The following ODAD2 variants were observed in gnomAD, a reference collection of about 807,000 sequenced individuals.
ODAD2 encodes outer dynein arm docking complex subunit 2.
In ODAD2, 89 loss-of-function variants were observed where a neutral mutation model predicts 106.8. The ratio of observed to expected loss-of-function variants is 0.83; its 90% CI spans 0.70 to 0.99. ODAD2 has a LOEUF of 0.99. ODAD2 is among the 50% of genes least tolerant of loss of function. ODAD2 has a pLI of 0.00. For synonymous variants in ODAD2, 404 were observed against 436.2 expected (o/e 0.93, Z 0.92); for missense variants, 1,168 against 1,238.5 (o/e 0.94, Z 0.85).
At chr10:27,865,127 C>T (rs1160505448) in intron 17 of ODAD2, among the ~76,000 whole-genome samples, 1 of 152,104 alleles carries the variant, frequency 6.6e-6, no homozygotes. Context: ...TTTCAAGGTG[C>T]ACCCCTGGTT....
chr10:27,911,328 C>T (rs1843998955), intron 16 of ODAD2, among the ~76,000 whole-genome samples: 1 of 152,114 alleles, frequency 6.6e-6, no homozygotes, highest in Admixed American at 6.6e-5. Context: ...TGTGTCCCTG[C>T]TCTGCACGTG....
chr10:27,984,438 T>A, intron 4 of ODAD2, 148 bp from the exon 5 acceptor site: 1 of 600,130 alleles, frequency 1.7e-6, no homozygotes, highest in Non-Finnish European at 2.9e-6. Flanking sequence ...ATAACAGCAC[T>A]GTCAACACAT....
At chr10:27,983,190 C>T (rs574166069) in intron 6 of ODAD2, among the ~76,000 whole-genome samples, 83 of 152,336 alleles carry the variant, frequency 5.4e-4, no homozygotes, top group Non-Finnish European at 1.1e-3. Context: ...TCACCTCACC[C>T]CCTGGGAAAT....
Position 27,906,403 on chromosome 10 carries a change from A to C in ODAD2, c.2610+1260T>G, listed in dbSNP as rs150657172. Among the ~76,000 whole-genome samples the C allele has an allele frequency of 8.7e-3, 1,319 of 152,286 alleles. 18 individuals carry two copies. Among genetic ancestry groups the C allele is most frequent in the African/African-American group, 0.03 (1,245 of 41,560 alleles). On this transcript the variant is annotated intron_variant, in intron 17 of 19. Transcript: ENST00000305242. The stretch of plus-strand genomic sequence containing the variant: ...TGTGGAGAAATAGGAATGCTTTTAC[A>C]CTGTTGGTGGGAGTGTAAATTAGTT...
chr10:27,812,966 C>G (rs1201671603), intron 19 of ODAD2, among the ~76,000 whole-genome samples: 2 of 152,294 alleles, frequency 1.3e-5, no homozygotes, highest in African/African-American at 4.8e-5. Context: ...CATGCTTAGA[C>G]TAGTAGGGCA....
intron 19 of ODAD2, among the ~76,000 whole-genome samples, chr10:27,834,994 G>T (rs1837754144): frequency 6.6e-6 from 1 of 152,176 alleles, no homozygotes; most frequent in African/African-American, 2.4e-5. Flanking sequence ...GTTTTCACAA[G>T]GTCACCCAGG....
At chr10:27,881,554 T>C (rs1780610491) in intron 17 of ODAD2, among the ~76,000 whole-genome samples, 1 of 151,984 alleles carries the variant, frequency 6.6e-6, no homozygotes, top group African/African-American at 2.4e-5. Context: ...AGAGGATCAC[T>C]TGAGCCCAGG....
At chr10:27,939,623 G>A (rs1003086975) in intron 14 of ODAD2, among the ~76,000 whole-genome samples, 1 of 151,884 alleles carries the variant, frequency 6.6e-6, no homozygotes, top group Non-Finnish European at 1.5e-5. Context: ...CTGAAGTGCC[G>A]GCTACTTGGG....
intron 2 of ODAD2, 71 bp from the exon 3 acceptor site, chr10:27,987,614 T>G: frequency 9.6e-7 from 1 of 1,038,802 alleles, no homozygotes; most frequent in Non-Finnish European, 1.4e-6. Flanking sequence ...ATTTAAGACA[T>G]TTAGACAGAT....
intron 19 of ODAD2, among the ~76,000 whole-genome samples, chr10:27,855,116 A>G (rs1839569255): frequency 6.6e-6 from 1 of 152,162 alleles, no homozygotes; most frequent in African/African-American, 2.4e-5. Context: ...GTAGGCATAT[A>G]TATGTCAAAA....
intron 17 of ODAD2, chr10:27,904,303 C>A: frequency 2.6e-6 from 1 of 383,176 alleles, no homozygotes; most frequent in South Asian, 2.3e-5. Flanking sequence ...GGCAAGGATG[C>A]TGTGTATGCG....
At chr10:27,935,860 A>T (rs1479442503) in intron 15 of ODAD2, among the ~76,000 whole-genome samples, 1 of 152,096 alleles carries the variant, frequency 6.6e-6, no homozygotes, top group African/African-American at 2.4e-5. Flanking sequence ...ATATACACAC[A>T]CAAATACACA....
chr10:27,839,663 G>T (rs1838167118), intron 19 of ODAD2, among the ~76,000 whole-genome samples: 1 of 152,112 alleles, frequency 6.6e-6, no homozygotes, highest in East Asian at 1.9e-4. Flanking sequence ...CCAGAAAAAC[G>T]CTGTGGTTTA....
intron 17 of ODAD2, among the ~76,000 whole-genome samples, chr10:27,898,682 A>G (rs968537399): frequency 6.6e-6 from 1 of 152,194 alleles, no homozygotes; most frequent in African/African-American, 2.4e-5. Flanking sequence ...GAACTTTAAT[A>G]GGAATTATAT....
At chr10:27,869,597 C>T (rs189630452) in intron 17 of ODAD2, among the ~76,000 whole-genome samples, 119 of 150,834 alleles carry the variant, frequency 7.9e-4, no homozygotes, top group East Asian at 7.8e-4. Flanking sequence ...TGAATTGGCA[C>T]GATCTTGGCT....
chr10:27,944,048 C>T (rs1846670834), intron 12 of ODAD2, among the ~76,000 whole-genome samples, 174 bp downstream of exon 12: 1 of 151,998 alleles, frequency 6.6e-6, no homozygotes, highest in African/African-American at 2.4e-5. Flanking sequence ...GTTTTGGACA[C>T]TCACTAATAT....
intron 10 of ODAD2, among the ~76,000 whole-genome samples, chr10:27,956,010 C>T (rs980282353): frequency 5.3e-5 from 8 of 152,014 alleles, no homozygotes; most frequent in African/African-American, 1.7e-4. Flanking sequence ...CCTGAGAATA[C>T]GCAATTTGTG....
intron 7 of ODAD2, among the ~76,000 whole-genome samples, chr10:27,974,694 T>G (rs891164182): frequency 2.6e-5 from 4 of 151,746 alleles, no homozygotes; most frequent in African/African-American, 9.7e-5. Context: ...TTTTTGTTTT[T>G]TTTTTTTTTG....
At chr10:27,993,212 G>A (rs1188443591) in intron 2 of ODAD2, among the ~76,000 whole-genome samples, 2 of 152,150 alleles carry the variant, frequency 1.3e-5, no homozygotes, top group East Asian at 1.9e-4. Context: ...ACCATGATCA[G>A]CCAAGTAGTT....
Sources: allele counts gnomAD v4.1 joint callset (sites outside exome capture counted in the v4.1 genomes callset), GRCh38; gene constraint gnomAD v4.1.1; transcripts MANE v1.5; gene names NCBI Gene and HGNC (gene_info 2026-07-23, HGNC 2026-07-21).